The following PREP variants were observed in gnomAD, a reference collection of about 807,000 sequenced individuals.
The protein encoded by PREP is dJ355L5.1 (prolyl endopeptidase).
Under a neutral mutation model 87.6 loss-of-function variants are expected in PREP, and 29 were observed. The ratio of observed to expected loss-of-function variants is 0.33; its 90% CI spans 0.25 to 0.45. The LOEUF is 0.45. Among genes scored for constraint, PREP ranks in the 20% least tolerant of loss-of-function variants. PREP has a pLI of 1.00. For missense variants in PREP, 695 were observed against 886.5 expected (o/e 0.78, Z 2.74); for synonymous variants, 337 against 328.6 (o/e 1.03, Z -0.28).
At chr6:105,317,768 T>C (rs1339355356) in intron 10 of PREP, among the ~76,000 whole-genome samples, 1 of 152,178 alleles carries the variant, frequency 6.6e-6, no homozygotes, top group Non-Finnish European at 1.5e-5. Context: ...GACACTAGCT[T>C]ACACAGCTTC....
chr6:105,299,972 C>G (rs1770497774), intron 10 of PREP, among the ~76,000 whole-genome samples: 1 of 151,810 alleles, frequency 6.6e-6, no homozygotes, highest in South Asian at 2.1e-4. Context: ...TCTCAGCTCA[C>G]TGCAGCCTCT....
At chr6:105,332,619 ATTC>A (rs1771366562) in intron 8 of PREP, among the ~76,000 whole-genome samples, 1 of 152,168 alleles carries the variant, frequency 6.6e-6, no homozygotes, top group Non-Finnish European at 1.5e-5. Flanking sequence ...ATAGTACTGA[ATTC>A]TTCTTTTGTG....
intron 2 of PREP, among the ~76,000 whole-genome samples, chr6:105,378,074 G>A (rs186576603): frequency 3.7e-4 from 56 of 152,318 alleles, no homozygotes; most frequent in African/African-American, 1.3e-3. Flanking sequence ...ATACCCAGGC[G>A]CTATTTTATC....
At chr6:105,337,632 C>T (rs912560153) in intron 7 of PREP, among the ~76,000 whole-genome samples, 2 of 152,198 alleles carry the variant, frequency 1.3e-5, no homozygotes, top group Non-Finnish European at 2.9e-5. Flanking sequence ...TCCTCTTTCC[C>T]CAGCAGAAAC....
intron 14 of PREP, among the ~76,000 whole-genome samples, chr6:105,279,853 G>C (rs570662118): frequency 6.6e-6 from 1 of 152,278 alleles, no homozygotes; most frequent in East Asian, 1.9e-4. Context: ...ATATTCTTTT[G>C]CCTTCAATTA....
chr6:105,366,866 T>C (rs566743347), intron 6 of PREP, among the ~76,000 whole-genome samples: 31 of 152,232 alleles, frequency 2.0e-4, no homozygotes, highest in South Asian at 1.9e-3. Context: ...GTGTATGAGG[T>C]ACCCAGAGCA....
intron 6 of PREP, among the ~76,000 whole-genome samples, chr6:105,367,778 G>C (rs1000482233): frequency 6.6e-6 from 1 of 151,934 alleles, no homozygotes; most frequent in African/African-American, 2.4e-5. Context: ...TTTCTATAAA[G>C]GTCTAGATAG....
chr6:105,389,323 C>G (rs144799513), intron 2 of PREP, among the ~76,000 whole-genome samples: 2 of 152,266 alleles, frequency 1.3e-5, no homozygotes, highest in African/African-American at 2.4e-5. Flanking sequence ...AGGTAGCTTG[C>G]TACGGTCATA....
intron 6 of PREP, among the ~76,000 whole-genome samples, chr6:105,357,530 T>C (rs117605731): frequency 6.6e-6 from 1 of 152,196 alleles, no homozygotes. Flanking sequence ...CTGGAGTTGC[T>C]CCATAGCCAC....
chr6:105,357,094 G>A (rs1477971402), intron 6 of PREP, among the ~76,000 whole-genome samples: 1 of 152,078 alleles, frequency 6.6e-6, no homozygotes, highest in Non-Finnish European at 1.5e-5. Context: ...TAACAAAACT[G>A]TTCAGAATTT....
intron 5 of PREP, among the ~76,000 whole-genome samples, chr6:105,369,843 G>A (rs1772488792): frequency 6.6e-6 from 1 of 152,026 alleles, no homozygotes; most frequent in Admixed American, 6.5e-5. Context: ...ACAAAAAAAC[G>A]ATTAAAAACT....
chr6:105,302,537 G>A (rs1362292328), intron 10 of PREP: 1 of 397,852 alleles, frequency 2.5e-6, no homozygotes, highest in South Asian at 2.1e-5. Context: ...CCTCGTGCTT[G>A]CTGGGCCAGT....
At chr6:105,336,254 T>C (rs1354439129) in intron 7 of PREP, among the ~76,000 whole-genome samples, 1 of 152,244 alleles carries the variant, frequency 6.6e-6, no homozygotes, top group Non-Finnish European at 1.5e-5. Flanking sequence ...AACGAGACCC[T>C]GTCTCAAGAA....
intron 10 of PREP, among the ~76,000 whole-genome samples, chr6:105,302,226 C>A (rs1309848753): frequency 6.6e-6 from 1 of 152,172 alleles, no homozygotes; most frequent in African/African-American, 2.4e-5. Flanking sequence ...AGAAACTGCC[C>A]TGTAACATGG....
intron 7 of PREP, among the ~76,000 whole-genome samples, chr6:105,334,013 G>C (rs1771413798): frequency 6.6e-6 from 1 of 152,122 alleles, no homozygotes; most frequent in African/African-American, 2.4e-5. Context: ...CAATGCACAG[G>C]ACAGCCCTAT....
At chr6:105,389,026 A>G (rs989420698) in intron 2 of PREP, among the ~76,000 whole-genome samples, 9 of 152,270 alleles carry the variant, frequency 5.9e-5, no homozygotes, top group Non-Finnish European at 2.9e-5. Context: ...TGAAAAATCT[A>G]GAATTCAAAA....
chr6:105,365,418 G>A lies in PREP; in HGVS notation c.717+3485C>T, dbSNP rs563350879. Among the ~76,000 whole-genome samples the A allele has an allele frequency of 4.6e-5, 7 of 152,248 alleles. No individual in the cohort carries two copies. The South Asian group carries it at 1.2e-3, about 27-fold the overall frequency. On this transcript the variant is annotated intron_variant, in intron 6 of 14. Transcript: ENST00000652536. ...CCCTGGCTTTATCACACTTCTTGAA[G>A]GGCACAAGAAATTCCCACCTCAAGA...
intron 10 of PREP, among the ~76,000 whole-genome samples, chr6:105,297,058 A>C (rs1266049871): frequency 1.8e-4 from 28 of 152,148 alleles, no homozygotes; most frequent in Admixed American, 1.8e-3. Flanking sequence ...TCTCCAAATC[A>C]ACGTGCCCAG....
chr6:105,399,064 G>A (rs1444391107), intron 1 of PREP, among the ~76,000 whole-genome samples: 2 of 150,744 alleles, frequency 1.3e-5, no homozygotes, highest in South Asian at 2.2e-4. Context: ...CTGAGACAAC[G>A]CCTATTGCAC....
Sources: allele counts gnomAD v4.1 joint callset (sites outside exome capture counted in the v4.1 genomes callset), GRCh38; gene constraint gnomAD v4.1.1; transcripts MANE v1.5; gene names NCBI Gene and HGNC (gene_info 2026-07-23, HGNC 2026-07-21).